Variants in DNAJC13 observed in about 807,000 individuals in gnomAD.
DNAJC13 encodes the protein DnaJ heat shock protein family (Hsp40) member C13.
Under a neutral mutation model 290.5 loss-of-function variants are expected in DNAJC13, and 75 were observed. The observed-to-expected ratio is 0.26, with a 90% CI of 0.21 to 0.31. The LOEUF (loss-of-function observed/expected upper bound fraction) is 0.31, where lower values mean the gene tolerates loss of function less well. Among genes scored for constraint, DNAJC13 ranks in the 10% least tolerant of loss-of-function variants. The pLI is 1.00. For synonymous variants in DNAJC13, 862 were observed against 892.0 expected (o/e 0.97, Z 0.60); for missense variants, 2,260 against 2,674.5 (o/e 0.85, Z 3.42).
At chr3:132,431,875 A>G (rs1408093431) in intron 1 of DNAJC13, among the ~76,000 whole-genome samples, 1 of 152,162 alleles carries the variant, frequency 6.6e-6, no homozygotes, top group Non-Finnish European at 1.5e-5. Context: ...CTGAGGTATA[A>G]TGGGGGGTGA....
intron 20 of DNAJC13, among the ~76,000 whole-genome samples, chr3:132,472,222 C>T (rs560897066): frequency 1.9e-4 from 29 of 152,190 alleles, no homozygotes; most frequent in South Asian, 1.0e-3. Context: ...AGAGGGAGAC[C>T]GTGGGGAGAG....
At position 132,434,574 on chromosome 3, in the gene DNAJC13, G is replaced by T; in HGVS notation, c.24G>T (p.Lys8Asn). Residue 8 changes from lysine to asparagine, a missense_variant, in exon 2 of 56, where the codon AAG becomes AAT. Transcript: ENST00000260818. ...AAATGAACATAATTAGGGAAAATAA[G>T]GATCTGGCATGTTTCTACACAACAA... The part of the protein sequence containing the change: MNIIREN[K>N]DLACFYTTKH... The T allele has an allele frequency of 6.2e-7, 1 of 1,612,120 alleles. No individual in the cohort carries two copies. The highest frequency in any genetic ancestry group is 8.5e-7 in the Non-Finnish European group (1 of 1,179,232).
rs996384991 is a variant in DNAJC13 at position 132,475,164 on chromosome 3, A to G, written c.2445+79A>G. 2.2e-5 allele frequency: 24 copies of G among 1,103,966 alleles called. No individual in the cohort carries two copies. In the South Asian group the frequency reaches 5.4e-4, roughly 25 times the overall value. 68.4% of individuals were successfully genotyped at this position (1,103,966 alleles called of 1,614,324 possible). A position where few individuals can be genotyped will look rare whatever the true frequency, so the allele number is the denominator to read the frequency against. On this transcript the variant is annotated intron_variant, in intron 22 of 55. Transcript: ENST00000260818. Reference sequence around the variant, plus strand: ...TTGGGGAGTGATTTTTTTTAAAAAAATTTGTAATTACATATCTGGTCTTTA... The same window carrying G: ...TTGGGGAGTGATTTTTTTTAAAAAAGTTTGTAATTACATATCTGGTCTTTA...
chr3:132,497,224 A>G (rs1307432306), intron 36 of DNAJC13, among the ~76,000 whole-genome samples: 1 of 152,252 alleles, frequency 6.6e-6, no homozygotes. Flanking sequence ...TTCAGATTAC[A>G]GGATTATCCA....
chr3:132,467,361 A>G (rs867758055), intron 20 of DNAJC13, 48 bp downstream of exon 20: 1 of 1,596,416 alleles, frequency 6.3e-7, no homozygotes, highest in African/African-American at 1.3e-5. Context: ...TGTGTGTCCT[A>G]GTCTACTTTA....
chr3:132,480,510 T>C, intron 26 of DNAJC13, 40 bp downstream of exon 26: 1 of 1,436,294 alleles, frequency 7.0e-7, no homozygotes, highest in Non-Finnish European at 9.7e-7. Flanking sequence ...TTAACGTTCT[T>C]TGAGTATAAT....
intron 1 of DNAJC13, among the ~76,000 whole-genome samples, chr3:132,425,401 C>T (rs981337442): frequency 1.3e-5 from 2 of 152,148 alleles, no homozygotes; most frequent in Non-Finnish European, 2.9e-5. Context: ...AACATTTTCA[C>T]CTACAGCCAG....
intron 39 of DNAJC13, among the ~76,000 whole-genome samples, chr3:132,502,046 A>G (rs560162701): frequency 2.0e-4 from 30 of 152,352 alleles, no homozygotes; most frequent in African/African-American, 7.0e-4. Context: ...ACTATTCCCA[A>G]GTCTTCTGAC....
intron 43 of DNAJC13, among the ~76,000 whole-genome samples, chr3:132,507,948 C>T (rs1935647577): frequency 6.6e-6 from 1 of 152,184 alleles, no homozygotes; most frequent in African/African-American, 2.4e-5. Flanking sequence ...AGCTATGCCT[C>T]TTGTGCCACA....
intron 13 of DNAJC13, 194 bp downstream of exon 13, chr3:132,457,562 C>G (rs1358291976): frequency 1.9e-6 from 1 of 524,646 alleles, no homozygotes; most frequent in African/African-American, 1.9e-5. Context: ...ATTCAAAGAT[C>G]TTAAGACAGA....
chr3:132,455,816 G>C (rs1251654976), intron 9 of DNAJC13, among the ~76,000 whole-genome samples: 1 of 152,246 alleles, frequency 6.6e-6, no homozygotes, highest in East Asian at 1.9e-4. Flanking sequence ...GTTTCCTGGG[G>C]CTGGGGAGTG....
At chr3:132,460,791 T>C (rs1371696564) in intron 14 of DNAJC13, among the ~76,000 whole-genome samples, 1 of 152,228 alleles carries the variant, frequency 6.6e-6, no homozygotes, top group Non-Finnish European at 1.5e-5. Context: ...ACCTTTGTTA[T>C]ACACATTTGA....
chr3:132,467,911 ATTCATATGTATTTATT>A (rs2107679954), intron 20 of DNAJC13, among the ~76,000 whole-genome samples: 1 of 151,688 alleles, frequency 6.6e-6, no homozygotes, highest in African/African-American at 2.4e-5. Context: ...GTTCTTTTTT[ATTCATATGTATTTATT>A]TTCTTCCCTT....
intron 6 of DNAJC13, among the ~76,000 whole-genome samples, chr3:132,452,629 G>A (rs1933452861): frequency 6.6e-6 from 1 of 152,200 alleles, no homozygotes; most frequent in African/African-American, 2.4e-5. Flanking sequence ...GTGCCAACAT[G>A]ATGCTTAAAG....
chr3:132,511,298 A>C, intron 44 of DNAJC13, 54 bp downstream of exon 44: 1 of 1,562,542 alleles, frequency 6.4e-7, no homozygotes, highest in Non-Finnish European at 8.7e-7. Flanking sequence ...GAGCCCTAAA[A>C]ATTCCAATAA....
intron 44 of DNAJC13, 120 bp downstream of exon 44, chr3:132,511,364 T>A (rs754541510): frequency 6.5e-5 from 76 of 1,169,404 alleles, no homozygotes; most frequent in Non-Finnish European, 9.0e-5. Flanking sequence ...TGTATTAATA[T>A]AACATTACAG....
chr3:132,511,421 A>C (rs924641113), intron 44 of DNAJC13, among the ~76,000 whole-genome samples, 177 bp downstream of exon 44: 1 of 152,186 alleles, frequency 6.6e-6, no homozygotes, highest in African/African-American at 2.4e-5. Context: ...AGCTGGGGAG[A>C]GAGGTCAAGG....
chr3:132,479,644 G>A (rs1175041010), intron 25 of DNAJC13, among the ~76,000 whole-genome samples: 3 of 152,074 alleles, frequency 2.0e-5, no homozygotes, highest in Non-Finnish European at 4.4e-5. Context: ...ACATAAAATG[G>A]AAAGTCTTTA....
In DNAJC13 at chr3:132,523,670, T is replaced by C; in HGVS notation, c.6017T>C (p.Leu2006Pro). 1 of 1,614,016 alleles carries C rather than the reference T, an allele frequency of 6.2e-7. No homozygotes were observed. ...LRKPREFLIA[L>P]LEKLTELLEK... ...AAGCCTAGAGAATTTCTTATTGCCC[T>C]GTTAGAAAAATTAACTGAGCTCCTA... is the stretch of plus-strand genomic sequence containing the variant. Residue 2006 changes from leucine (L) to proline (P), a missense_variant, in exon 51 of 56, where the codon CTG (leucine) becomes CCG (proline). Around this residue, in one of 3 missense-constraint regions of DNAJC13, gnomAD observed 1,494 missense variants for 1,693.7 expected, o/e 0.88. Transcript: ENST00000260818.
Sources: gnomAD v4.1 joint callset for allele counts (sites outside exome capture counted in the v4.1 genomes callset) on GRCh38, gnomAD v4.1.1 for gene constraint, gnomAD v4.1.1 regional missense constraint, MANE v1.5 for transcripts, NCBI Gene and HGNC (gene_info 2026-07-23, HGNC 2026-07-21) for gene names.